The following CDH18 variants were observed in gnomAD, a reference collection of about 807,000 sequenced individuals.
CDH18 encodes cadherin-18.
Under a neutral mutation model 67.9 loss-of-function variants are expected in CDH18, and 31 were observed. The ratio of observed to expected loss-of-function variants is 0.46; its 90% CI spans 0.34 to 0.62. The LOEUF is 0.62. CDH18 is among the 20% of genes least tolerant of loss of function. The pLI is 0.01. For synonymous variants in CDH18, 362 were observed against 347.2 expected (o/e 1.04, Z -0.48); for missense variants, 890 against 975.5 (o/e 0.91, Z 1.17).
At chr5:20,180,866 A>T (rs1192935555) in intron 2 of CDH18, among the ~76,000 whole-genome samples, 1 of 152,136 alleles carries the variant, frequency 6.6e-6, no homozygotes, top group Non-Finnish European at 1.5e-5. Flanking sequence ...ACATGAAAAA[A>T]ATTAACTGTG....
chr5:20,552,788 C>G (rs867634140), intron 1 of CDH18, among the ~76,000 whole-genome samples: 3 of 151,424 alleles, frequency 2.0e-5, no homozygotes, highest in Non-Finnish European at 4.4e-5. Context: ...GAGTCTTGCT[C>G]TGTTGCCCAG....
chr5:20,448,073 C>T (rs1036988778), intron 1 of CDH18, among the ~76,000 whole-genome samples: 1 of 151,838 alleles, frequency 6.6e-6, no homozygotes. Flanking sequence ...CCACAACAGG[C>T]CCTGGTGTGT....
intron 2 of CDH18, among the ~76,000 whole-genome samples, chr5:20,094,274 G>C (rs1343907910): frequency 6.6e-6 from 1 of 152,122 alleles, no homozygotes; most frequent in African/African-American, 2.4e-5. Flanking sequence ...AGTGGCTATA[G>C]ATGTGTGGTG....
upstream of CDH18, among the ~76,000 whole-genome samples, chr5:19,989,282 G>A (rs1331886589): frequency 1.3e-5 from 2 of 152,144 alleles, no homozygotes; most frequent in African/African-American, 4.8e-5. Context: ...AACACTAAGA[G>A]AAAGATATTA....
At chr5:20,487,439 C>G (rs950242987) in intron 1 of CDH18, among the ~76,000 whole-genome samples, 1 of 149,232 alleles carries the variant, frequency 6.7e-6, no homozygotes, top group African/African-American at 2.5e-5. Context: ...AAAATATAAT[C>G]GGGCTACATC....
At chr5:19,840,879 C>T (rs533606723) in intron 2 of CDH18, among the ~76,000 whole-genome samples, 21 of 152,274 alleles carry the variant, frequency 1.4e-4, no homozygotes, top group Admixed American at 5.2e-4. Flanking sequence ...AAATAAATCA[C>T]TTTCTCATTG....
At position 20,350,677 on chromosome 5, in the gene CDH18, T is replaced by C. The variant is rs146408292; in HGVS notation, c.-579-95172A>G. On this transcript the variant is annotated intron_variant, in intron 1 of 14. Coordinates refer to the CDH18 transcript ENST00000507958. ...ATGGGTTTAGCTATATGAGGATCTGTTTAAGAATCTATATGATTATTCAGT... is the reference window on the plus strand; with the variant it reads ...ATGGGTTTAGCTATATGAGGATCTGCTTAAGAATCTATATGATTATTCAGT... 6.0e-4 allele frequency among the ~76,000 whole-genome samples: 92 copies of C among 152,222 alleles called. 1 individual carries two copies. In the East Asian group the frequency reaches 0.017, roughly 28 times the overall value.
intron 10 of CDH18, among the ~76,000 whole-genome samples, chr5:19,510,745 G>A (rs1744977790): frequency 6.6e-6 from 1 of 151,608 alleles, no homozygotes; most frequent in Admixed American, 6.6e-5. Context: ...CCAGGTGGAG[G>A]TAATTGGATC....
At chr5:20,086,552 CT>C (rs1396103820) in intron 2 of CDH18, among the ~76,000 whole-genome samples, 2 of 152,270 alleles carry the variant, frequency 1.3e-5, no homozygotes, top group African/African-American at 4.8e-5. Flanking sequence ...GGTTGACTCT[CT>C]TGTTTTAGGG....
intron 3 of CDH18, among the ~76,000 whole-genome samples, chr5:19,802,633 C>T (rs1323078091): frequency 6.6e-6 from 1 of 152,034 alleles, no homozygotes; most frequent in Non-Finnish European, 1.5e-5. Context: ...TTCATGTACA[C>T]CCATCTTACT....
intron 2 of CDH18, among the ~76,000 whole-genome samples, chr5:19,888,335 T>G (rs1041950867): frequency 6.6e-6 from 1 of 152,268 alleles, no homozygotes; most frequent in Non-Finnish European, 1.5e-5. Flanking sequence ...ACTTAAATCC[T>G]TAACAAGGTA....
At chr5:19,888,205 C>T (rs779329692) in intron 2 of CDH18, among the ~76,000 whole-genome samples, 5 of 152,202 alleles carry the variant, frequency 3.3e-5, no homozygotes, top group East Asian at 3.9e-4. Context: ...TGCATTTTCA[C>T]GTACATCTTA....
intron 1 of CDH18, among the ~76,000 whole-genome samples, chr5:20,541,595 G>A (rs957434090): frequency 6.6e-5 from 10 of 152,068 alleles, no homozygotes; most frequent in Non-Finnish European, 1.2e-4. Flanking sequence ...GCTGTAATAT[G>A]GTTCTACTTG....
Position 19,889,243 on chromosome 5 carries a change from T to TG in CDH18, c.-256-50002dup, listed in dbSNP as rs1360180161. ...ACAATGTACTACTCATGGATATGGATGGCCATTTGTATATCTAGTTTGCTA... is the reference window on the plus strand; with the variant it reads ...ACAATGTACTACTCATGGATATGGATGGGCCATTTGTATATCTAGTTTGCTA... On this transcript the variant is annotated intron_variant, in intron 2 of 12. Coordinates refer to ENST00000382275, the MANE Select transcript of CDH18 (RefSeq NM_004934.5). Among the ~76,000 whole-genome samples, 19 of 152,216 alleles carry TG rather than the reference T, an allele frequency of 1.2e-4. 1 individual carries two copies. Among genetic ancestry groups the TG allele is most frequent in the Non-Finnish European group, 1.0e-4 (7 of 67,990 alleles).
chr5:19,488,228 T>G (rs559053076), intron 11 of CDH18, among the ~76,000 whole-genome samples: 2 of 152,268 alleles, frequency 1.3e-5, no homozygotes, highest in Non-Finnish European at 2.9e-5. Context: ...ATAAATCCTA[T>G]TTTTTAGTCC....
chr5:19,577,182 C>T (rs1255691268), intron 7 of CDH18, among the ~76,000 whole-genome samples: 3 of 152,134 alleles, frequency 2.0e-5, no homozygotes, highest in Admixed American at 1.3e-4. Flanking sequence ...ATATACAGCA[C>T]AGTGACTACA....
intron 1 of CDH18, among the ~76,000 whole-genome samples, chr5:20,484,318 C>G (rs1430524868): frequency 6.6e-6 from 1 of 151,978 alleles, no homozygotes; most frequent in Non-Finnish European, 1.5e-5. Context: ...AATCTTTGTA[C>G]ACTGTTGGTG....
intron 5 of CDH18, among the ~76,000 whole-genome samples, chr5:19,666,537 A>G (rs1757984308): frequency 6.6e-6 from 1 of 152,060 alleles, no homozygotes; most frequent in African/African-American, 2.4e-5. Context: ...CGTGACTAAA[A>G]AAGGATTTCC....
At chr5:20,220,149 T>G (rs1741109997) in intron 2 of CDH18, among the ~76,000 whole-genome samples, 2 of 151,854 alleles carry the variant, frequency 1.3e-5, no homozygotes, top group Non-Finnish European at 2.9e-5. Context: ...GTATAATAAA[T>G]GTCCAAAATA....
Sources: gnomAD v4.1 joint callset for allele counts (sites outside exome capture counted in the v4.1 genomes callset) on GRCh38, gnomAD v4.1.1 for gene constraint, MANE v1.5 for transcripts, NCBI Gene and HGNC (gene_info 2026-07-23, HGNC 2026-07-21) for gene names.